The following SPAST variants were observed in gnomAD, a reference collection of about 807,000 sequenced individuals.
SPAST encodes the protein spastic paraplegia 4 (autosomal dominant; spastin).
SPAST carries 30 observed loss-of-function variants against 76.6 expected under a neutral mutation model. The ratio of observed to expected loss-of-function variants is 0.39; its 90% CI spans 0.29 to 0.53. The LOEUF (loss-of-function observed/expected upper bound fraction) is 0.53. Ranked by LOEUF, SPAST falls within the 20% of genes least tolerant of loss-of-function variation. The pLI is 0.68. For synonymous variants in SPAST, 305 were observed against 281.0 expected (o/e 1.09, Z -0.86); for missense variants, 717 against 770.5 (o/e 0.93, Z 0.82).
intron 1 of SPAST, among the ~76,000 whole-genome samples, chr2:32,080,277 T>C (rs1035071241): frequency 4.6e-5 from 7 of 152,232 alleles, no homozygotes; most frequent in African/African-American, 7.2e-5. Flanking sequence ...TGGGTTGTTT[T>C]TATGTTTATC....
At chr2:32,106,436 G>C (rs1029354549) in intron 4 of SPAST, among the ~76,000 whole-genome samples, 1 of 152,112 alleles carries the variant, frequency 6.6e-6, no homozygotes, top group Non-Finnish European at 1.5e-5. Context: ...CCGCCCTTCA[G>C]CTCACACTAT....
chr2:32,071,721 A>G (rs1296513779), intron 1 of SPAST, among the ~76,000 whole-genome samples: 1 of 152,228 alleles, frequency 6.6e-6, no homozygotes, highest in Non-Finnish European at 1.5e-5. Flanking sequence ...CAATTGGTCA[A>G]AAGAGCTTAT....
chr2:32,089,618 G>A lies in SPAST; in HGVS notation c.586+13G>A. ...TTACAACTTCTAGGTATCAATTAAT[G>A]TATAATTTGATGTGGGATGTATTGG... is the stretch of plus-strand genomic sequence containing the variant. On this transcript the variant is annotated intron_variant, in intron 3 of 16. Coordinates refer to ENST00000315285, the MANE Select transcript of SPAST (RefSeq NM_014946.4). 2.2e-6 allele frequency: 3 copies of A among 1,373,524 alleles called. No individual in the cohort carries two copies. Among genetic ancestry groups the A allele is most frequent in the South Asian group, 2.3e-5 (2 of 86,158 alleles). 85.1% of individuals were successfully genotyped at this position (1,373,524 alleles called of 1,614,324 possible).
At position 32,152,431 on chromosome 2, in the gene SPAST, G is replaced by A. The variant is rs190195805; in HGVS notation, c.1729-1943G>A. ...AAAAATTACAAAAAGTTAGCTGGGC[G>A]TGGTGGCGCACACCTATAGTCCTAG... On this transcript the variant is annotated intron_variant, in intron 16 of 16. Transcript: ENST00000315285. Among the ~76,000 whole-genome samples, 136 of 152,172 alleles carry A rather than the reference G, an allele frequency of 8.9e-4. 1 individual carries two copies. The highest frequency in any genetic ancestry group is 1.6e-3 in the Non-Finnish European group (106 of 68,026).
At chr2:32,097,503 C>T (rs1289514150) in intron 3 of SPAST, among the ~76,000 whole-genome samples, 1 of 151,990 alleles carries the variant, frequency 6.6e-6, no homozygotes, top group East Asian at 1.9e-4. Flanking sequence ...TATGTTTACA[C>T]AAATGGTAGG....
intron 2 of SPAST, 45 bp downstream of exon 2, chr2:32,087,623 C>A: frequency 1.2e-6 from 1 of 865,402 alleles, no homozygotes. Flanking sequence ...ATGATATATT[C>A]ACATGATTGT....
intron 9 of SPAST, among the ~76,000 whole-genome samples, chr2:32,135,365 G>A (rs966452069): frequency 4.0e-5 from 6 of 151,636 alleles, no homozygotes; most frequent in East Asian, 2.0e-4. Context: ...TCCTGACCTC[G>A]TGATCCGCCC....
At chr2:32,090,015 C>T (rs1053297678) in intron 3 of SPAST, among the ~76,000 whole-genome samples, 2 of 152,220 alleles carry the variant, frequency 1.3e-5, no homozygotes, top group South Asian at 2.1e-4. Flanking sequence ...CCACCCGCCT[C>T]GGCCTCCCGA....
chr2:32,153,061 A>C (rs1019424733), intron 16 of SPAST, among the ~76,000 whole-genome samples: 1 of 151,906 alleles, frequency 6.6e-6, no homozygotes, highest in Admixed American at 6.6e-5. Context: ...TATTTTAACT[A>C]TATGTTTTTT....
At chr2:32,069,683 A>G (rs1336574393) in intron 1 of SPAST, among the ~76,000 whole-genome samples, 3 of 151,772 alleles carry the variant, frequency 2.0e-5, no homozygotes, top group Non-Finnish European at 4.4e-5. Context: ...CAGCCTCCCA[A>G]GTAGCTGGGA....
At chr2:32,085,205 C>CTTTTTTTTTTTTTTTTTTTTTTTTTTTT (rs11399879) in intron 1 of SPAST, among the ~76,000 whole-genome samples, 2 of 119,786 alleles carry the variant, frequency 1.7e-5, no homozygotes, top group East Asian at 2.4e-4. Flanking sequence ...TCTTCTTCTT[C>CTTTTTTTTTTTTTTTTTTTTTTTTTTTT]TTTTTTTTTT....
intron 7 of SPAST, 133 bp from the exon 8 acceptor site, chr2:32,126,815 A>G: frequency 3.1e-6 from 2 of 647,396 alleles, no homozygotes; most frequent in South Asian, 3.6e-5. Flanking sequence ...ATTTATGATT[A>G]TGTGTTTCCT....
At chr2:32,106,160 G>T (rs1018844257) in intron 4 of SPAST, among the ~76,000 whole-genome samples, 1 of 152,288 alleles carries the variant, frequency 6.6e-6, no homozygotes, top group Non-Finnish European at 1.5e-5. Flanking sequence ...CTCAGCAATG[G>T]CAGATGCCCC....
chr2:32,150,263 T>TTTG (rs1680036636), intron 16 of SPAST, among the ~76,000 whole-genome samples: 2 of 80,134 alleles, frequency 2.5e-5, no homozygotes, highest in African/African-American at 4.4e-5. Context: ...TTTTTTTTTT[T>TTTG]GTATTTGTAG....
At position 32,114,689 on chromosome 2, in the gene SPAST, C is replaced by G. The variant is rs1553314896; in HGVS notation, c.734C>G (p.Ser245Ter). 1 of 1,614,102 alleles carries G rather than the reference C, an allele frequency of 6.2e-7. No homozygotes were observed. The highest frequency in any genetic ancestry group is 8.5e-7 in the Non-Finnish European group (1 of 1,179,976). ...GACCCCTTAACACACACTAGTAATT[C>G]ACTGCCTCGTTCAAAAACAGTTATG... ...RKDPLTHTSN[S>*]LPRSKTVMKT... Residue 245 changes from serine to a stop codon, truncating the protein, a stop_gained, in exon 5 of 17, where the codon TCA (serine) becomes TGA (stop). Coordinates refer to ENST00000315285, the MANE Select transcript of SPAST (RefSeq NM_014946.4). LOFTEE classifies it high-confidence loss of function.
At chr2:32,079,587 G>A (rs56740303) in intron 1 of SPAST, among the ~76,000 whole-genome samples, 55,357 of 139,390 alleles carry the variant, frequency 0.4, 11,610 homozygotes, top group East Asian at 0.63. Flanking sequence ...CTGACATTGG[G>A]TCTTGCTCTG....
At chr2:32,152,996 C>G (rs1254344803) in intron 16 of SPAST, among the ~76,000 whole-genome samples, 1 of 152,110 alleles carries the variant, frequency 6.6e-6, no homozygotes, top group Non-Finnish European at 1.5e-5. Context: ...GATCCACTTG[C>G]TTCAGCCTCC....
At chr2:32,150,209 ACT>A (rs1212352076) in intron 16 of SPAST, among the ~76,000 whole-genome samples, 1 of 144,384 alleles carries the variant, frequency 6.9e-6, no homozygotes, top group Non-Finnish European at 1.5e-5. Context: ...AGTAGCTGGG[ACT>A]ACAGGTGCAC....
At chr2:32,087,139 GTT>G (rs972020505) in intron 1 of SPAST, among the ~76,000 whole-genome samples, 1 of 151,964 alleles carries the variant, frequency 6.6e-6, no homozygotes, top group Admixed American at 6.6e-5. Context: ...AATGCTTTTT[GTT>G]TCATTGTTAT....
Sources: allele counts gnomAD v4.1 joint callset (sites outside exome capture counted in the v4.1 genomes callset), GRCh38; gene constraint gnomAD v4.1.1; transcripts MANE v1.5; gene names NCBI Gene and HGNC (gene_info 2026-07-23, HGNC 2026-07-21).